Variants in TRAK1 observed in about 807,000 individuals in gnomAD.
The protein encoded by TRAK1 is trafficking kinesin-binding protein 1.
Under a neutral mutation model 92.1 loss-of-function variants are expected in TRAK1, and 33 were observed. The observed-to-expected ratio is 0.36, with a 90% CI of 0.27 to 0.48. The LOEUF (loss-of-function observed/expected upper bound fraction) is 0.48. TRAK1 is among the 20% of genes least tolerant of loss of function. The pLI is 0.99. For missense variants in TRAK1, 1,123 were observed against 1,257.9 expected, an observed-to-expected ratio of 0.89 and a Z score of 1.62; for synonymous variants, 521 against 517.3, an observed-to-expected ratio of 1.01 and a Z score of -0.10.
intron 14 of TRAK1, chr3:42,211,493 A>G (rs1328542420): frequency 2.0e-6 from 2 of 985,314 alleles, no homozygotes; most frequent in African/African-American, 3.5e-5. Flanking sequence ...TGTCATCAGC[A>G]CCAGTGTCCG....
intron 10 of TRAK1, among the ~76,000 whole-genome samples, chr3:42,195,817 C>T (rs1331971978): frequency 6.6e-6 from 1 of 152,194 alleles, no homozygotes; most frequent in Non-Finnish European, 1.5e-5. Context: ...CCAGGAATCT[C>T]AGTAAAAGCA....
intron 1 of TRAK1, among the ~76,000 whole-genome samples, chr3:42,092,583 G>A (rs1576300220): frequency 6.6e-6 from 1 of 152,112 alleles, no homozygotes. Flanking sequence ...GCTGTAAACC[G>A]AGTGAGAATT....
In TRAK1 at chr3:42,146,046, C is replaced by T. The variant is rs535104335; in HGVS notation, c.286+20432C>T. On this transcript the variant is annotated intron_variant, in intron 2 of 15. Coordinates refer to ENST00000327628, the MANE Select transcript of TRAK1 (RefSeq NM_001042646.3). ...AAATACTTTGGCTTCAGGAACTTTG[C>T]TAATTGGTTCTTCTGAGTAAGAAAG... 37 of 428,026 alleles carry T rather than the reference C, an allele frequency of 8.6e-5. No homozygotes were observed. The East Asian group carries it at 2.5e-3, about 28-fold the overall frequency. 26.5% of individuals were successfully genotyped at this position (428,026 alleles called of 1,614,324 possible).
chr3:42,115,846 G>A (rs1300268163), intron 1 of TRAK1, among the ~76,000 whole-genome samples: 1 of 152,160 alleles, frequency 6.6e-6, no homozygotes, highest in African/African-American at 2.4e-5. Context: ...TGTGAGCCAG[G>A]GTGGAGTCGG....
chr3:42,040,341 A>G (rs919235404), intron 1 of TRAK1, among the ~76,000 whole-genome samples: 3 of 152,110 alleles, frequency 2.0e-5, no homozygotes, highest in African/African-American at 4.8e-5. Context: ...AGCAGGGCTA[A>G]CTCATAGGCA....
chr3:42,038,645 G>A (rs886707514), intron 1 of TRAK1, among the ~76,000 whole-genome samples: 9 of 151,922 alleles, frequency 5.9e-5, no homozygotes, highest in African/African-American at 1.2e-4. Context: ...AGAATTTGCC[G>A]GGCGTGGTGG....
chr3:42,080,481 A>C (rs1475523350), intron 1 of TRAK1, among the ~76,000 whole-genome samples: 4 of 152,196 alleles, frequency 2.6e-5, no homozygotes, highest in Admixed American at 6.5e-5. Flanking sequence ...TCAGTAAACT[A>C]AACAGAGGCG....
chr3:42,026,750 C>G (rs769615015), intron 1 of TRAK1, among the ~76,000 whole-genome samples: 1 of 152,036 alleles, frequency 6.6e-6, no homozygotes, highest in African/African-American at 2.4e-5. Flanking sequence ...GTCTTGAACT[C>G]CCGACCTCAG....
rs137954282 is a variant in TRAK1, at chr3:42,148,465, A to C, written c.286+22851A>C. Among the ~76,000 whole-genome samples the C allele has an allele frequency of 1.2e-4, 19 of 152,308 alleles. No individual in the cohort carries two copies. In the East Asian group the frequency reaches 3.3e-3, roughly 26 times the overall value. ...CAAACATATCAAACATTTAGAACTA[A>C]TATTAACTGTATTTTTTAAGGAAAT... On this transcript the variant is annotated intron_variant, in intron 2 of 15. Coordinates refer to ENST00000327628, the MANE Select transcript of TRAK1 (RefSeq NM_001042646.3).
chr3:42,121,311 G>C (rs1012832369), intron 1 of TRAK1, among the ~76,000 whole-genome samples: 1 of 149,458 alleles, frequency 6.7e-6, no homozygotes, highest in Non-Finnish European at 1.5e-5. Context: ...CCAGGCTGGA[G>C]TGCAGTGGCG....
At chr3:42,124,802 T>A (rs573418568) in intron 1 of TRAK1, among the ~76,000 whole-genome samples, 1 of 152,178 alleles carries the variant, frequency 6.6e-6, no homozygotes, top group Non-Finnish European at 1.5e-5. Flanking sequence ...AAGCTATTCC[T>A]TAAAGGATGG....
intron 1 of TRAK1, among the ~76,000 whole-genome samples, chr3:42,028,155 CCT>C (rs2148888442): frequency 6.6e-6 from 1 of 152,284 alleles, no homozygotes; most frequent in African/African-American, 2.4e-5. Context: ...CCGGCCACAG[CCT>C]CTGTTCTTAC....
intron 2 of TRAK1, among the ~76,000 whole-genome samples, chr3:42,148,314 A>G (rs1317021384): frequency 6.6e-6 from 1 of 152,184 alleles, no homozygotes; most frequent in Non-Finnish European, 1.5e-5. Flanking sequence ...CACAGCAAGA[A>G]TTACCTAACC....
intron 3 of TRAK1, among the ~76,000 whole-genome samples, chr3:42,183,610 GAAGCA>G (rs1379612954): frequency 1.3e-5 from 2 of 150,590 alleles, no homozygotes; most frequent in African/African-American, 4.9e-5. Flanking sequence ...TTATCCCTGT[GAAGCA>G]AAAGCCGTTT....
intron 1 of TRAK1, among the ~76,000 whole-genome samples, chr3:42,107,392 G>C (rs1707724346): frequency 6.6e-6 from 1 of 151,972 alleles, no homozygotes; most frequent in South Asian, 2.1e-4. Flanking sequence ...CGTGCCTGTA[G>C]TCCCAGTTAC....
intron 1 of TRAK1, among the ~76,000 whole-genome samples, chr3:42,081,815 A>G (rs1343334634): frequency 1.3e-5 from 2 of 152,238 alleles, no homozygotes; most frequent in Admixed American, 6.5e-5. Context: ...TAAGTGCCTT[A>G]TATGGATAAG....
chr3:42,138,876 G>GT (rs1553730371), intron 2 of TRAK1, among the ~76,000 whole-genome samples: 11,198 of 118,702 alleles, frequency 0.094, 897 homozygotes, highest in Admixed American at 0.14. Context: ...AAGCATAGGG[G>GT]GTGTGTGTGT....
intron 1 of TRAK1, among the ~76,000 whole-genome samples, chr3:42,054,174 A>G (rs557356634): frequency 1.3e-5 from 2 of 152,332 alleles, no homozygotes; most frequent in Admixed American, 1.3e-4. Context: ...TACCTGAATA[A>G]CGAAATATTC....
At chr3:42,019,444 T>G (rs1296306583) in intron 1 of TRAK1, among the ~76,000 whole-genome samples, 1 of 152,142 alleles carries the variant, frequency 6.6e-6, no homozygotes, top group Non-Finnish European at 1.5e-5. Context: ...TTCTTTTCTT[T>G]TTTAAATTTT....
Sources: gnomAD v4.1 joint callset for allele counts (sites outside exome capture counted in the v4.1 genomes callset) on GRCh38, gnomAD v4.1.1 for gene constraint, MANE v1.5 for transcripts, NCBI Gene and HGNC (gene_info 2026-07-23, HGNC 2026-07-21) for gene names.